HECW2: variants seen among roughly 807,000 people sequenced by gnomAD.
HECW2 encodes HECT, C2 and WW domain containing E3 ubiquitin protein ligase 2, also known as E3 ubiquitin-protein ligase HECW2.
Under a neutral mutation model 175.2 loss-of-function variants are expected in HECW2, and 61 were observed. The observed-to-expected ratio is 0.35, with a 90% CI of 0.28 to 0.43. The LOEUF (loss-of-function observed/expected upper bound fraction) is 0.43. HECW2 is among the 20% of genes least tolerant of loss of function. HECW2 has a pLI of 1.00. For missense variants in HECW2, 1,524 were observed against 2,000.5 expected, an observed-to-expected ratio of 0.76 and a Z score of 4.54; for synonymous variants, 671 against 731.0, an observed-to-expected ratio of 0.92 and a Z score of 1.32.
At chr2:196,397,008 GA>G (rs1229671231) in intron 2 of HECW2, among the ~76,000 whole-genome samples, 1 of 152,132 alleles carries the variant, frequency 6.6e-6, no homozygotes, top group African/African-American at 2.4e-5. Flanking sequence ...ACCTACTCGG[GA>G]AGCTGAGGCA....
At chr2:196,256,074 AAAAT>A (rs1172231919) in intron 18 of HECW2, among the ~76,000 whole-genome samples, 1 of 152,174 alleles carries the variant, frequency 6.6e-6, no homozygotes, top group East Asian at 1.9e-4. Flanking sequence ...CTGCACCTCA[AAAAT>A]AAATAAATAA....
chr2:196,457,920 A>C (rs1311469112), intron 1 of HECW2, among the ~76,000 whole-genome samples: 1 of 152,188 alleles, frequency 6.6e-6, no homozygotes, highest in East Asian at 1.9e-4. Flanking sequence ...ATTTGATCTA[A>C]ACAAATAATC....
chr2:196,332,097 C>T (rs373297650), intron 4 of HECW2, among the ~76,000 whole-genome samples: 22 of 152,126 alleles, frequency 1.4e-4, no homozygotes, highest in African/African-American at 5.1e-4. Flanking sequence ...GAGAGGTCCC[C>T]CTTTTTTTTT....
chr2:196,531,014 A>C (rs1559161715), intron 1 of HECW2, among the ~76,000 whole-genome samples: 1 of 152,168 alleles, frequency 6.6e-6, no homozygotes, highest in Non-Finnish European at 1.5e-5. Flanking sequence ...CTTCCTCCGC[A>C]ATATTATCCC....
At chr2:196,459,988 C>G (rs1396129474) in intron 1 of HECW2, among the ~76,000 whole-genome samples, 1 of 152,210 alleles carries the variant, frequency 6.6e-6, no homozygotes, top group Non-Finnish European at 1.5e-5. Flanking sequence ...TCCTCCACCT[C>G]CTTCAGTGTG....
chr2:196,286,843 A>G (rs1690409826), intron 14 of HECW2, among the ~76,000 whole-genome samples: 1 of 152,216 alleles, frequency 6.6e-6, no homozygotes, highest in Admixed American at 6.5e-5. Flanking sequence ...TATTTTTCAA[A>G]ATGTAGCACT....
chr2:196,543,276 A>C (rs2125470094), intron 1 of HECW2, among the ~76,000 whole-genome samples: 1 of 151,464 alleles, frequency 6.6e-6, no homozygotes, highest in South Asian at 2.1e-4. Context: ...TCTCAGAATT[A>C]GATATATATT....
chr2:196,433,551 T>C, intron 1 of HECW2, 93 bp from the exon 2 acceptor site: 2 of 863,048 alleles, frequency 2.3e-6, no homozygotes, highest in Non-Finnish European at 3.5e-6. Context: ...GGGTGTTTAA[T>C]AAGCCTGATC....
At chr2:196,576,870 T>G (rs1210560383) in intron 1 of HECW2, among the ~76,000 whole-genome samples, 1 of 152,206 alleles carries the variant, frequency 6.6e-6, no homozygotes, top group African/African-American at 2.4e-5. Flanking sequence ...GAAAAAGGTT[T>G]ATTAGAAAAA....
At chr2:196,428,749 G>A (rs760414013) in intron 2 of HECW2, among the ~76,000 whole-genome samples, 5 of 152,098 alleles carry the variant, frequency 3.3e-5, no homozygotes, top group Admixed American at 1.3e-4. Flanking sequence ...CACTCTCCAC[G>A]AAGTAGTAAC....
intron 5 of HECW2, 53 bp from the exon 6 acceptor site, chr2:196,325,202 G>A: frequency 7.2e-7 from 1 of 1,380,654 alleles, no homozygotes; most frequent in Non-Finnish European, 9.9e-7. Context: ...CAGGAGGGAG[G>A]GAGGAAAGAA....
chr2:196,507,236 A>AT (rs1687798296), intron 1 of HECW2, among the ~76,000 whole-genome samples: 1 of 152,262 alleles, frequency 6.6e-6, no homozygotes, highest in African/African-American at 2.4e-5. Flanking sequence ...CACACATATA[A>AT]ATAGAAACAC....
At chr2:196,517,431 T>C (rs750130635) in intron 1 of HECW2, among the ~76,000 whole-genome samples, 4 of 152,104 alleles carry the variant, frequency 2.6e-5, no homozygotes, top group East Asian at 3.9e-4. Context: ...GAAAAAGAAA[T>C]TACAACACTA....
At chr2:196,368,329 T>C (rs13400240) in intron 2 of HECW2, among the ~76,000 whole-genome samples, 38,964 of 152,114 alleles carry the variant, frequency 0.26, 6,329 homozygotes, top group African/African-American at 0.46. Flanking sequence ...GCAGTTTTGC[T>C]GTGCACTTCT....
At chr2:196,391,166 C>A (rs1694498097) in intron 2 of HECW2, among the ~76,000 whole-genome samples, 1 of 152,160 alleles carries the variant, frequency 6.6e-6, no homozygotes, top group Non-Finnish European at 1.5e-5. Flanking sequence ...TATAGTCTCT[C>A]TGCAGGTTAT....
intron 2 of HECW2, among the ~76,000 whole-genome samples, chr2:196,423,716 T>TGTG: frequency 7.4e-5 from 1 of 13,552 alleles, no homozygotes; most frequent in South Asian, 2.4e-3. Flanking sequence ...GTGTGTGTGT[T>TGTG]TATCACATTT....
chr2:196,499,386 A>G (rs1375698645), intron 1 of HECW2, among the ~76,000 whole-genome samples: 2 of 152,152 alleles, frequency 1.3e-5, no homozygotes, highest in Non-Finnish European at 2.9e-5. Context: ...TGCCAGCATT[A>G]AGCATTCTTT....
intron 15 of HECW2, among the ~76,000 whole-genome samples, chr2:196,275,200 A>C (rs1448993252): frequency 6.6e-6 from 1 of 152,142 alleles, no homozygotes; most frequent in Non-Finnish European, 1.5e-5. Flanking sequence ...CTCTCCTTCA[A>C]GCCCAAGTTA....
intron 1 of HECW2, among the ~76,000 whole-genome samples, chr2:196,497,832 A>C (rs1364242238): frequency 1.3e-5 from 2 of 152,256 alleles, no homozygotes; most frequent in Non-Finnish European, 2.9e-5. Flanking sequence ...TGCTGATCAC[A>C]GAGGGCAAGA....
Sources: gnomAD v4.1 joint callset for allele counts (sites outside exome capture counted in the v4.1 genomes callset) on GRCh38, gnomAD v4.1.1 for gene constraint, MANE v1.5 for transcripts, NCBI Gene and HGNC (gene_info 2026-07-23, HGNC 2026-07-21) for gene names.